Variants in ROPN1 observed in about 807,000 individuals in gnomAD.
ROPN1 encodes the protein ropporin-1A.
In ROPN1, 14 loss-of-function variants were observed where a neutral mutation model predicts 20.5. That is an observed-to-expected ratio of 0.68 (90% CI 0.45 to 1.07). ROPN1 has a LOEUF of 1.07. Among genes scored for constraint, ROPN1 ranks in the 50% least tolerant of loss-of-function variants. ROPN1 has a pLI of 0.00. For missense variants in ROPN1, 169 were observed against 242.8 expected (o/e 0.70, Z 2.02); for synonymous variants, 76 against 95.7 (o/e 0.79, Z 1.20).
At chr3:123,986,756 G>T (rs1275726580) in intron 1 of ROPN1, among the ~76,000 whole-genome samples, 1 of 152,236 alleles carries the variant, frequency 6.6e-6, no homozygotes, top group Non-Finnish European at 1.5e-5. Context: ...AGTTGTTGTG[G>T]GCTCAGGGAA....
At chr3:123,980,617 T>G (rs1445611161) in intron 1 of ROPN1, 124 bp from the exon 2 acceptor site, 86 of 755,660 alleles carry the variant, frequency 1.1e-4, no homozygotes, top group Non-Finnish European at 1.6e-4. Flanking sequence ...GCAAGACAAA[T>G]GCATTCTATT....
intron 1 of ROPN1, among the ~76,000 whole-genome samples, chr3:123,989,085 A>G (rs1287256489): frequency 6.6e-6 from 1 of 152,190 alleles, no homozygotes. Flanking sequence ...AGCCGGGTAC[A>G]GGGCAGGTAT....
intron 1 of ROPN1, among the ~76,000 whole-genome samples, chr3:123,982,285 T>C (rs1206186936): frequency 1.3e-5 from 2 of 152,198 alleles, no homozygotes. Context: ...CAATTCTCAA[T>C]GAGTATGCCA....
At chr3:123,972,498 A>G (rs535575948) in intron 4 of ROPN1, among the ~76,000 whole-genome samples, 24 of 152,380 alleles carry the variant, frequency 1.6e-4, no homozygotes, top group African/African-American at 5.8e-4. Flanking sequence ...TATTTTCTAC[A>G]TACGTGATCT....
intron 1 of ROPN1, among the ~76,000 whole-genome samples, chr3:123,984,965 G>A (rs1383709856): frequency 2.0e-5 from 3 of 152,052 alleles, no homozygotes; most frequent in Non-Finnish European, 4.4e-5. Flanking sequence ...ATCAAATATT[G>A]TTTGTAGTAT....
At chr3:123,991,009 AC>A (rs1222537513) in intron 1 of ROPN1, among the ~76,000 whole-genome samples, 4 of 152,186 alleles carry the variant, frequency 2.6e-5, no homozygotes, top group African/African-American at 9.6e-5. Context: ...AGGCAACTGC[AC>A]ATCCCTGTTT....
At chr3:123,985,318 C>A (rs1209548882) in intron 1 of ROPN1, among the ~76,000 whole-genome samples, 1 of 152,206 alleles carries the variant, frequency 6.6e-6, no homozygotes, top group African/African-American at 2.4e-5. Flanking sequence ...ACTTTAATTG[C>A]AATGCATTTA....
intron 1 of ROPN1, among the ~76,000 whole-genome samples, chr3:123,989,194 C>T (rs189893931): frequency 1.3e-5 from 2 of 152,236 alleles, no homozygotes; most frequent in Admixed American, 1.3e-4. Flanking sequence ...GTGACAAGTT[C>T]AGGGAACTGT....
At chr3:123,988,318 G>A (rs1187228468) in intron 1 of ROPN1, among the ~76,000 whole-genome samples, 1 of 152,034 alleles carries the variant, frequency 6.6e-6, no homozygotes, top group Non-Finnish European at 1.5e-5. Flanking sequence ...GCTAATTTTT[G>A]TATTTTTAGT....
rs568842460 is a variant in ROPN1, at chr3:123,984,030, G to T, written c.-12-3537C>A. On this transcript the variant is annotated intron_variant, in intron 1 of 5. Coordinates refer to ENST00000405845, the MANE Select transcript of ROPN1 (RefSeq NM_001317774.2). ...TCCTTTGATAGCATACGCCATTCTT[G>T]TGTGTCTATTTTCCTCAGCATTGCT... Among the ~76,000 whole-genome samples, 23 of 152,214 alleles carry T rather than the reference G, an allele frequency of 1.5e-4. No individual in the cohort carries two copies. The East Asian group carries it at 4.3e-3, about 28-fold the overall frequency.
At chr3:123,987,884 GT>G (rs935172560) in intron 1 of ROPN1, among the ~76,000 whole-genome samples, 1 of 152,048 alleles carries the variant, frequency 6.6e-6, no homozygotes, top group African/African-American at 2.4e-5. Flanking sequence ...ACCTCTTTTG[GT>G]TTATCTAAGC....
At chr3:123,975,783 T>C in intron 3 of ROPN1, 3 of 375,714 alleles carry the variant, frequency 8.0e-6, no homozygotes, top group Middle Eastern at 7.4e-4. Context: ...GCAAAAGATA[T>C]ACATTTATAT....
At chr3:123,987,980 G>T (rs901190163) in intron 1 of ROPN1, among the ~76,000 whole-genome samples, 1 of 152,262 alleles carries the variant, frequency 6.6e-6, no homozygotes, top group Middle Eastern at 3.4e-3. Flanking sequence ...TTACAGACTG[G>T]CATGTAAACT....
In ROPN1 at chr3:123,980,493, C is replaced by T; in HGVS notation, c.-12G>A. On this transcript the variant is annotated splice_region_variant and 5_prime_UTR_variant, in exon 2 of 6. Coordinates refer to ENST00000405845, the MANE Select transcript of ROPN1 (RefSeq NM_001317774.2). Reference sequence around the variant, plus strand: ...TCTGTCTGAGCCATTGATTGGTTGGCCTATTCTCAGGAGAAAAAAATACGT... The same window carrying T: ...TCTGTCTGAGCCATTGATTGGTTGGTCTATTCTCAGGAGAAAAAAATACGT... The T allele has an allele frequency of 1.2e-6, 2 of 1,613,202 alleles. No homozygotes were observed.
At chr3:123,987,759 G>A (rs1442140360) in intron 1 of ROPN1, among the ~76,000 whole-genome samples, 3 of 152,114 alleles carry the variant, frequency 2.0e-5, no homozygotes, top group Non-Finnish European at 2.9e-5. Context: ...TCCTTTTTTT[G>A]AGTAGTAGTT....
At chr3:123,981,368 C>A (rs565725269) in intron 1 of ROPN1, 1 of 153,420 alleles carries the variant, frequency 6.5e-6, no homozygotes, top group East Asian at 1.9e-4. Flanking sequence ...AATGAAGAAA[C>A]TAGGGCTCAC....
At position 123,970,084 on chromosome 3, in the gene ROPN1, G is replaced by A. The variant is rs753547120; in HGVS notation, c.530C>T (p.Ala177Val). 1 of 1,614,186 alleles carries A rather than the reference G, an allele frequency of 6.2e-7. No individual in the cohort carries two copies. Among genetic ancestry groups the A allele is most frequent in the Admixed American group, 1.7e-5 (1 of 60,022 alleles). ...GTTTAGCATCCTGCTGACATGTGAT[G>A]CAGAGATCTCCCCATCCACTTTGGC... Reference protein sequence around the residue: ...YIAKVDGEISASHVSRMLNYM... With the variant: ...YIAKVDGEISVSHVSRMLNYM... Residue 177 changes from alanine to valine, a missense_variant, in exon 5 of 6, where the codon GCA (alanine) becomes GTA (valine). By Grantham distance (64) the Ala-to-Val change is moderately conservative. Around this residue, in one of 3 missense-constraint regions of ROPN1, gnomAD observed 82 missense variants for 100.1 expected, o/e 0.82. Transcript: ENST00000405845.
At chr3:123,973,973 A>G (rs1033157405) in intron 4 of ROPN1, among the ~76,000 whole-genome samples, 2 of 152,216 alleles carry the variant, frequency 1.3e-5, no homozygotes, top group African/African-American at 4.8e-5. Context: ...TCCTAGAGTC[A>G]GCTCTTTCTG....
At chr3:123,984,902 T>G (rs1313461706) in intron 1 of ROPN1, among the ~76,000 whole-genome samples, 1 of 152,144 alleles carries the variant, frequency 6.6e-6, no homozygotes, top group East Asian at 1.9e-4. Flanking sequence ...ACCCTATACT[T>G]CCCCAGGGTT....
Sources: gnomAD v4.1 joint callset for allele counts (sites outside exome capture counted in the v4.1 genomes callset) on GRCh38, gnomAD v4.1.1 for gene constraint, gnomAD v4.1.1 regional missense constraint, MANE v1.5 for transcripts, NCBI Gene and HGNC (gene_info 2026-07-23, HGNC 2026-07-21) for gene names.